ENPEP: variants seen among roughly 807,000 people sequenced by gnomAD.
ENPEP encodes the protein AP-A.
ENPEP carries 103 observed loss-of-function variants against 114.5 expected under a neutral mutation model. The ratio of observed to expected loss-of-function variants is 0.90; its 90% CI spans 0.77 to 1.06. The LOEUF (loss-of-function observed/expected upper bound fraction) is 1.06, where lower values mean the gene tolerates loss of function less well. Among genes scored for constraint, ENPEP ranks in the 50% least tolerant of loss-of-function variants. The pLI, the probability that ENPEP is intolerant of heterozygous loss-of-function variation, is 0.00. For synonymous variants in ENPEP, 420 were observed against 422.0 expected, an observed-to-expected ratio of 1.00 and a Z score of 0.06; for missense variants, 1,196 against 1,161.3, an observed-to-expected ratio of 1.03 and a Z score of -0.43.
At chr4:110,528,740 A>G (rs1167051129) in intron 10 of ENPEP, among the ~76,000 whole-genome samples, 1 of 152,166 alleles carries the variant, frequency 6.6e-6, no homozygotes, top group Non-Finnish European at 1.5e-5. Context: ...AATGGGAGTA[A>G]GTGTGTCAGC....
chr4:110,521,125 C>A (rs1372758917), intron 10 of ENPEP, among the ~76,000 whole-genome samples: 2 of 152,182 alleles, frequency 1.3e-5, no homozygotes, highest in South Asian at 2.1e-4. Flanking sequence ...CCCAGTCAGA[C>A]CTTCTGCTCA....
intron 3 of ENPEP, 30 bp from the exon 4 acceptor site, chr4:110,506,607 T>G: frequency 1.9e-6 from 3 of 1,573,196 alleles, no homozygotes; most frequent in African/African-American, 2.7e-5. Flanking sequence ...AGAATAATTT[T>G]CACTGAATTT....
At chr4:110,542,618 G>A in intron 11 of ENPEP, 133 bp from the exon 12 acceptor site, 2 of 842,514 alleles carry the variant, frequency 2.4e-6, no homozygotes, top group South Asian at 5.3e-5. Flanking sequence ...TTGGGTTTTG[G>A]ATCCAAATCA....
chr4:110,483,000 C>A lies in ENPEP; in HGVS notation c.645-5541C>A, dbSNP rs575749700. ...CTCTAGCCTGGGTGACAGAGTGAGACTCCATCTCAAACAAACAAAAAAAGA... is the reference window on the plus strand; with the variant it reads ...CTCTAGCCTGGGTGACAGAGTGAGAATCCATCTCAAACAAACAAAAAAAGA... On this transcript the variant is annotated intron_variant, in intron 1 of 19. Coordinates refer to ENST00000265162, the MANE Select transcript of ENPEP (RefSeq NM_001977.4). 5.9e-5 allele frequency among the ~76,000 whole-genome samples: 9 copies of A among 152,278 alleles called. 1 individual carries two copies. The South Asian group carries it at 1.9e-3, about 32-fold the overall frequency.
intron 18 of ENPEP, 127 bp from the exon 19 acceptor site, chr4:110,559,520 A>C: frequency 1.5e-6 from 1 of 660,540 alleles, no homozygotes; most frequent in Non-Finnish European, 2.6e-6. Context: ...GGGTTTTCTT[A>C]CTGTGTTTTG....
At chr4:110,496,097 A>T in intron 3 of ENPEP, among the ~76,000 whole-genome samples, 1 of 152,148 alleles carries the variant, frequency 6.6e-6, no homozygotes, top group East Asian at 1.9e-4. Context: ...TGCATCTAGG[A>T]TTCTCTCTGT....
intron 1 of ENPEP, among the ~76,000 whole-genome samples, chr4:110,483,651 G>T (rs546064183): frequency 1.3e-5 from 2 of 152,274 alleles, no homozygotes; most frequent in African/African-American, 4.8e-5. Flanking sequence ...TCTAGTAAGT[G>T]ACTTATTAAT....
intron 10 of ENPEP, among the ~76,000 whole-genome samples, chr4:110,523,744 A>G (rs1468196558): frequency 6.6e-6 from 1 of 152,248 alleles, no homozygotes; most frequent in Non-Finnish European, 1.5e-5. Context: ...AAAAAAGGAC[A>G]TGGAAGAGGG....
At chr4:110,537,164 C>T (rs1726669050) in intron 11 of ENPEP, among the ~76,000 whole-genome samples, 1 of 152,128 alleles carries the variant, frequency 6.6e-6, no homozygotes, top group South Asian at 2.1e-4. Context: ...ACTTGGGTGG[C>T]TGTGGCAATT....
chr4:110,495,401 T>C (rs1254299166), intron 3 of ENPEP, among the ~76,000 whole-genome samples: 6 of 152,166 alleles, frequency 3.9e-5, no homozygotes, highest in African/African-American at 1.2e-4. Context: ...CATGATTCTT[T>C]AAGGAATCAA....
At chr4:110,548,714 C>T (rs1313849774) in intron 14 of ENPEP, among the ~76,000 whole-genome samples, 1 of 152,014 alleles carries the variant, frequency 6.6e-6, no homozygotes, top group Non-Finnish European at 1.5e-5. Context: ...ATTCTTACTG[C>T]TGGTATTTCC....
chr4:110,556,292 T>C (rs1427224577), intron 18 of ENPEP, among the ~76,000 whole-genome samples: 1 of 152,084 alleles, frequency 6.6e-6, no homozygotes, highest in East Asian at 1.9e-4. Flanking sequence ...ATAACTCCTA[T>C]TGTCATATTA....
At chr4:110,542,193 T>C (rs1345604713) in intron 11 of ENPEP, among the ~76,000 whole-genome samples, 1 of 152,182 alleles carries the variant, frequency 6.6e-6, no homozygotes, top group African/African-American at 2.4e-5. Flanking sequence ...TTGCAGGTCT[T>C]CTTGATACAG....
At chr4:110,533,147 G>A in intron 11 of ENPEP, 1 of 443,946 alleles carries the variant, frequency 2.3e-6, no homozygotes, top group East Asian at 7.0e-5. Context: ...AAGTTTGAAA[G>A]CGTGAATAAT....
At chr4:110,481,134 T>C (rs1450345792) in intron 1 of ENPEP, among the ~76,000 whole-genome samples, 1 of 152,210 alleles carries the variant, frequency 6.6e-6, no homozygotes, top group East Asian at 1.9e-4. Context: ...ATGGGGATCT[T>C]AGTAGATATT....
intron 2 of ENPEP, among the ~76,000 whole-genome samples, chr4:110,489,455 G>A (rs116120748): frequency 8.3e-4 from 126 of 152,190 alleles, no homozygotes; most frequent in Non-Finnish European, 1.3e-3. Context: ...AATACCTAAC[G>A]TAGATGACAG....
chr4:110,525,236 T>A (rs893928151), intron 10 of ENPEP, among the ~76,000 whole-genome samples: 1 of 152,184 alleles, frequency 6.6e-6, no homozygotes, highest in African/African-American at 2.4e-5. Context: ...GCTGCTCCCA[T>A]CTGAAGGAAA....
chr4:110,501,876 A>G (rs997710614), intron 3 of ENPEP, among the ~76,000 whole-genome samples: 7 of 152,200 alleles, frequency 4.6e-5, no homozygotes, highest in African/African-American at 1.7e-4. Context: ...GCTTTCCACA[A>G]TGGATAAACT....
intron 3 of ENPEP, among the ~76,000 whole-genome samples, chr4:110,502,982 G>A (rs1416238363): frequency 6.6e-6 from 1 of 151,876 alleles, no homozygotes; most frequent in Non-Finnish European, 1.5e-5. Context: ...GTATACATGT[G>A]CCATGTTGGT....
Sources: gnomAD v4.1 joint callset for allele counts (sites outside exome capture counted in the v4.1 genomes callset) on GRCh38, gnomAD v4.1.1 for gene constraint, MANE v1.5 for transcripts, NCBI Gene and HGNC (gene_info 2026-07-23, HGNC 2026-07-21) for gene names.